SMC6: variants seen among roughly 807,000 people sequenced by gnomAD.
The protein encoded by SMC6 is structural maintenance of chromosomes 6.
A neutral mutation model predicts 142.2 loss-of-function variants in SMC6; 79 were observed. The ratio of observed to expected loss-of-function variants is 0.56; its 90% CI spans 0.46 to 0.67. SMC6 has a LOEUF of 0.67. Among genes scored for constraint, SMC6 ranks in the 30% least tolerant of loss-of-function variants. The pLI is 0.00. For synonymous variants in SMC6, 411 were observed against 412.4 expected, an observed-to-expected ratio of 1.00 and a Z score of 0.04; for missense variants, 1,072 against 1,284.0, an observed-to-expected ratio of 0.83 and a Z score of 2.52.
chr2:17,741,856 G>A (rs1249768714), intron 3 of SMC6, 127 bp from the exon 4 acceptor site: 2 of 566,366 alleles, frequency 3.5e-6, no homozygotes, highest in South Asian at 2.9e-5. Flanking sequence ...GTGAATAATG[G>A]TAACTTCAAT....
At chr2:17,686,737 A>G (rs1364322758) in intron 23 of SMC6, among the ~76,000 whole-genome samples, 2 of 152,132 alleles carry the variant, frequency 1.3e-5, no homozygotes, top group Admixed American at 1.3e-4. Context: ...TACATTTTTT[A>G]CTAAGTACTT....
rs35471536 is a variant in SMC6, at chr2:17,726,087, TAAAAAAAAAAAA to T, written c.624+290_624+301del. ...TGGAAGACAGAGCAAGGCTCTGTCT[TAAAAAAAAAAAA>T]AAAAAAAAAAAAAAAGATTTACAAG... On this transcript the variant is annotated intron_variant, in intron 8 of 27. Coordinates refer to ENST00000448223, the MANE Select transcript of SMC6 (RefSeq NM_001142286.2). 2.2e-4 allele frequency among the ~76,000 whole-genome samples: 12 copies of T among 54,966 alleles called. No homozygotes were observed. In the East Asian group the frequency reaches 2.6e-3, roughly 12 times the overall value. The allele number at this position is 54,966 out of a possible 152,430, so 36.1% of individuals were successfully genotyped here. A position where few individuals can be genotyped will look rare whatever the true frequency, so the allele number is the denominator to read the frequency against.
intron 7 of SMC6, among the ~76,000 whole-genome samples, chr2:17,728,481 C>T (rs1669742947): frequency 6.6e-6 from 1 of 151,736 alleles, no homozygotes; most frequent in Admixed American, 6.6e-5. Context: ...GTGTGAGGAT[C>T]ACTTGAGGCC....
intron 2 of SMC6, among the ~76,000 whole-genome samples, chr2:17,746,597 A>C (rs2125087003): frequency 6.6e-6 from 1 of 152,104 alleles, no homozygotes; most frequent in Middle Eastern, 3.4e-3. Context: ...TTCCCTAAAA[A>C]AAAAGTCCAG....
intron 4 of SMC6, among the ~76,000 whole-genome samples, chr2:17,739,847 C>CACAG (rs1670345977): frequency 7.8e-6 from 1 of 127,722 alleles, no homozygotes; most frequent in African/African-American, 3.0e-5. Context: ...CACACACAGA[C>CACAG]ACACACACAC....
At chr2:17,738,186 G>T (rs773740447) in intron 5 of SMC6, 35 bp downstream of exon 5, 38 of 1,477,456 alleles carry the variant, frequency 2.6e-5, no homozygotes, top group Non-Finnish European at 3.6e-5. Context: ...TCTTACTAAA[G>T]AATTGAAAAT....
chr2:17,748,564 T>A (rs1165335002), intron 2 of SMC6, among the ~76,000 whole-genome samples: 1 of 152,250 alleles, frequency 6.6e-6, no homozygotes, highest in African/African-American at 2.4e-5. Context: ...AAAAATATTT[T>A]TCAAAATATT....
At chr2:17,719,904 A>C (rs191875816) in intron 11 of SMC6, among the ~76,000 whole-genome samples, 1 of 152,238 alleles carries the variant, frequency 6.6e-6, no homozygotes, top group East Asian at 1.9e-4. Flanking sequence ...GACAGGAAAA[A>C]GCAAGCTAGG....
At chr2:17,666,999 A>C (rs1042293851) in intron 26 of SMC6, among the ~76,000 whole-genome samples, 6 of 152,082 alleles carry the variant, frequency 3.9e-5, no homozygotes, top group Non-Finnish European at 7.4e-5. Context: ...AAAAAGAGAA[A>C]CTCTTCGGGG....
Position 17,708,747 on chromosome 2 carries a change from A to C in SMC6, c.1737T>G (p.Ala579=), listed in dbSNP as rs1339122730. ...GAACTGTTGGAAAGTCTGGATGATAAGCAGCTCTAGGAGACAAAAATACAG... is the reference window on the plus strand; with the variant it reads ...GAACTGTTGGAAAGTCTGGATGATACGCAGCTCTAGGAGACAAAAATACAG... ...NEIYDVRHRA[A]YHPDFPTVLT... The change falls in exon 17 of 28, where the codon GCT becomes GCG. Residue 579 remains alanine (A), a synonymous_variant. Coordinates refer to ENST00000448223, the MANE Select transcript of SMC6 (RefSeq NM_001142286.2). The C allele has an allele frequency of 6.5e-7, 1 of 1,527,944 alleles. No homozygotes were observed. The highest frequency in any genetic ancestry group is 1.3e-5 in the South Asian group (1 of 74,922). 94.6% of individuals were successfully genotyped at this position (1,527,944 alleles called of 1,614,324 possible). A position where few individuals can be genotyped will look rare whatever the true frequency, so the allele number is the denominator to read the frequency against.
chr2:17,670,378 A>C (rs747779954), intron 26 of SMC6, 45 bp downstream of exon 26: 5 of 1,568,914 alleles, frequency 3.2e-6, no homozygotes, highest in Non-Finnish European at 4.3e-6. Flanking sequence ...TACATGTTTC[A>C]AACAAACAAA....
At chr2:17,703,600 CT>C (rs1186534063) in intron 18 of SMC6, among the ~76,000 whole-genome samples, 1 of 152,106 alleles carries the variant, frequency 6.6e-6, no homozygotes, top group Non-Finnish European at 1.5e-5. Flanking sequence ...TCTGCCGCCC[CT>C]GAGACAGTAA....
At chr2:17,739,311 C>G (rs1429052483) in intron 4 of SMC6, among the ~76,000 whole-genome samples, 1 of 151,562 alleles carries the variant, frequency 6.6e-6, no homozygotes, top group Non-Finnish European at 1.5e-5. Flanking sequence ...AGAGACCAGC[C>G]TGAGCAACAG....
intron 24 of SMC6, among the ~76,000 whole-genome samples, chr2:17,682,275 T>C (rs1457825869): frequency 6.6e-6 from 1 of 152,010 alleles, no homozygotes; most frequent in East Asian, 1.9e-4. Context: ...ACTCTGAGGG[T>C]TTTCACACTC....
At chr2:17,739,847 C>CAG (rs1269061673) in intron 4 of SMC6, among the ~76,000 whole-genome samples, 1 of 127,722 alleles carries the variant, frequency 7.8e-6, no homozygotes, top group Middle Eastern at 3.6e-3. Context: ...CACACACAGA[C>CAG]ACACACACAC....
intron 7 of SMC6, among the ~76,000 whole-genome samples, chr2:17,730,438 A>G (rs554465290): frequency 6.6e-6 from 1 of 151,598 alleles, no homozygotes; most frequent in East Asian, 1.9e-4. Context: ...GAGTTTAGGG[A>G]ACAATGATGC....
In SMC6 at chr2:17,731,146, A is replaced by T. The variant is rs768543444; in HGVS notation, c.482-7T>A. The T allele has an allele frequency of 1.2e-5, 19 of 1,604,216 alleles. No individual in the cohort carries two copies. The highest frequency in any genetic ancestry group is 2.7e-5 in the African/African-American group (2 of 74,594). ...CTCGTGGAAACCACGGAGCCTAGTT[A>T]TAAGAAACATATGAAATAACCAAAC... On this transcript the variant is annotated splice_polypyrimidine_tract_variant and splice_region_variant and intron_variant, in intron 6 of 27. Coordinates refer to ENST00000448223, the MANE Select transcript of SMC6 (RefSeq NM_001142286.2).
chr2:17,689,336 T>G (rs1019804413), intron 23 of SMC6, among the ~76,000 whole-genome samples: 15 of 152,160 alleles, frequency 9.9e-5, no homozygotes, highest in Admixed American at 6.5e-5. Context: ...CTAGACTGCA[T>G]CTGATATCGT....
intron 26 of SMC6, among the ~76,000 whole-genome samples, chr2:17,668,701 T>C (rs1275084974): frequency 1.3e-5 from 2 of 152,040 alleles, no homozygotes; most frequent in African/African-American, 2.4e-5. Flanking sequence ...AAAAGTGGCA[T>C]TTGAACAATG....
Sources: allele counts gnomAD v4.1 joint callset (sites outside exome capture counted in the v4.1 genomes callset), GRCh38; gene constraint gnomAD v4.1.1; transcripts MANE v1.5; gene names NCBI Gene and HGNC (gene_info 2026-07-23, HGNC 2026-07-21).